TBCD: variants seen among roughly 807,000 people sequenced by gnomAD.
TBCD encodes tubulin-specific chaperone D.
In TBCD, 105 loss-of-function variants were observed where a neutral mutation model predicts 169.3. The observed-to-expected ratio is 0.62, with a 90% CI of 0.53 to 0.73. TBCD has a LOEUF of 0.73. Ranked by LOEUF, TBCD falls within the 30% of genes least tolerant of loss-of-function variation. The pLI, the probability that TBCD is intolerant of heterozygous loss-of-function variation, is 0.00. For missense variants in TBCD, 1,444 were observed against 1,600.1 expected (o/e 0.90, Z 1.66); for synonymous variants, 700 against 643.9 (o/e 1.09, Z -1.32).
intron 7 of TBCD, among the ~76,000 whole-genome samples, chr17:82,783,187 G>A (rs1008919726): frequency 3.9e-5 from 6 of 152,150 alleles, no homozygotes; most frequent in Admixed American, 1.3e-4. Flanking sequence ...GCTGCTTCCC[G>A]GTCATGCTGC....
At chr17:82,790,628 CT>C (rs1280955347) in intron 7 of TBCD, among the ~76,000 whole-genome samples, 4 of 152,152 alleles carry the variant, frequency 2.6e-5, no homozygotes, top group Non-Finnish European at 4.4e-5. Flanking sequence ...CGTGGGACCC[CT>C]GTGCACCCTG....
chr17:82,896,577 C>T (rs1158925515), intron 17 of TBCD, among the ~76,000 whole-genome samples: 1 of 151,682 alleles, frequency 6.6e-6, no homozygotes, highest in East Asian at 1.9e-4. Context: ...GCGATCCTCC[C>T]ACCTCAGCCT....
intron 13 of TBCD, among the ~76,000 whole-genome samples, chr17:82,841,986 G>T (rs1392324474): frequency 6.6e-6 from 1 of 152,256 alleles, no homozygotes; most frequent in Non-Finnish European, 1.5e-5. Flanking sequence ...AAGGCGGAAG[G>T]TTCCAGTCCT....
chr17:82,851,849 T>G (rs1353323629), intron 13 of TBCD, among the ~76,000 whole-genome samples: 1 of 152,182 alleles, frequency 6.6e-6, no homozygotes, highest in East Asian at 1.9e-4. Context: ...ATTTGGTAGC[T>G]TAGGCAAAAT....
chr17:82,801,540 CAG>C (rs1195986027), intron 9 of TBCD, among the ~76,000 whole-genome samples: 3 of 123,630 alleles, frequency 2.4e-5, no homozygotes, highest in African/African-American at 3.2e-5. Flanking sequence ...TCGTGTGGCT[CAG>C]GGTCAGCGTG....
chr17:82,830,378 G>A, intron 13 of TBCD: 1 of 1,612,850 alleles, frequency 6.2e-7, no homozygotes, highest in Non-Finnish European at 8.5e-7. Flanking sequence ...ATGTTCCTGG[G>A]GCTGTAGGCC....
rs1161413517 is a variant in TBCD, at chr17:82,814,838, A to G, written c.1224-2A>G. The stretch of plus-strand genomic sequence containing the variant: ...TGGTCTCAGGATCTTTGTTGCTCTC[A>G]GTTTCCAGGAGACTGACAAGGCGTG... On this transcript the variant is annotated splice_acceptor_variant, in intron 12 of 38. Transcript: ENST00000355528. LOFTEE classifies it high-confidence loss of function. 1 of 1,613,642 alleles carries G rather than the reference A, an allele frequency of 6.2e-7. No individual in the cohort carries two copies. Among genetic ancestry groups the G allele is most frequent in the Non-Finnish European group, 8.5e-7 (1 of 1,179,834 alleles).
intron 6 of TBCD, among the ~76,000 whole-genome samples, chr17:82,779,463 T>C (rs1400682176): frequency 6.6e-6 from 1 of 152,208 alleles, no homozygotes; most frequent in Non-Finnish European, 1.5e-5. Flanking sequence ...TCTTTCCCCA[T>C]TGTTCATGCT....
chr17:82,936,075 C>T (rs1052491452), intron 34 of TBCD, among the ~76,000 whole-genome samples: 8 of 152,238 alleles, frequency 5.3e-5, no homozygotes, highest in African/African-American at 9.6e-5. Context: ...TCCCTGGAAA[C>T]GGCCCGGGTT....
chr17:82,931,516 G>A (rs142865276), intron 33 of TBCD, among the ~76,000 whole-genome samples: 2 of 147,002 alleles, frequency 1.4e-5, no homozygotes, highest in South Asian at 2.1e-4. Context: ...CGCTCATTCC[G>A]CCTTGCCGTT....
intron 13 of TBCD, chr17:82,859,548 C>T: frequency 1.0e-6 from 1 of 985,432 alleles, no homozygotes; most frequent in Non-Finnish European, 1.2e-6. Context: ...GACACACAAG[C>T]TGTGACTTCA....
At chr17:82,774,611 C>A (rs538150749) in intron 6 of TBCD, among the ~76,000 whole-genome samples, 1 of 152,258 alleles carries the variant, frequency 6.6e-6, no homozygotes, top group Non-Finnish European at 1.5e-5. Flanking sequence ...CTCCTCACTT[C>A]CCAGACTTGG....
rs1344380880 is a variant in TBCD, at chr17:82,846,364, C to T, written c.1319-23860C>T. Among the ~76,000 whole-genome samples, 21 of 151,252 alleles carry T rather than the reference C, an allele frequency of 1.4e-4. 1 individual carries two copies. The highest frequency in any genetic ancestry group is 1.4e-3 in the Admixed American group (21 of 15,214). On this transcript the variant is annotated intron_variant, in intron 13 of 38. Transcript: ENST00000355528. The stretch of plus-strand genomic sequence containing the variant: ...AGCCCTCTGCTGCCCCCTCCATGCG[C>T]TGTGTCCCATGTGCCGTGTCCTCTC...
chr17:82,760,160 C>A (rs896465792), intron 2 of TBCD, among the ~76,000 whole-genome samples: 4 of 152,186 alleles, frequency 2.6e-5, no homozygotes, highest in Non-Finnish European at 5.9e-5. Context: ...AGGCGTGAGC[C>A]ACCACGCCTG....
chr17:82,943,099 T>G lies in TBCD; in HGVS notation c.*636T>G. 1 of 153,036 alleles carries G rather than the reference T, an allele frequency of 6.5e-6. No individual in the cohort carries two copies. Among genetic ancestry groups the G allele is most frequent in the Non-Finnish European group, 1.5e-5 (1 of 68,566 alleles). The allele number at this position is 153,036 out of a possible 1,614,324, so 9.5% of individuals were successfully genotyped here. A position where few individuals can be genotyped will look rare whatever the true frequency, so the allele number is the denominator to read the frequency against. On this transcript the variant is annotated 3_prime_UTR_variant, in exon 39 of 39. Coordinates refer to ENST00000355528, the MANE Select transcript of TBCD (RefSeq NM_005993.5). ...ATTGATGGGTGTGCCGACCAGCAGC[T>G]TCACAAATGTCTGCTGCAAGGGGAA... is the stretch of plus-strand genomic sequence containing the variant.
At chr17:82,788,641 C>T (rs2049480176) in intron 7 of TBCD, among the ~76,000 whole-genome samples, 1 of 152,302 alleles carries the variant, frequency 6.6e-6, no homozygotes, top group Middle Eastern at 3.4e-3. Context: ...AGCTCCCGCT[C>T]GGCCCTTGTG....
intron 13 of TBCD, among the ~76,000 whole-genome samples, chr17:82,838,037 C>T (rs886703278): frequency 2.0e-5 from 3 of 152,198 alleles, no homozygotes; most frequent in Non-Finnish European, 4.4e-5. Flanking sequence ...TGTGCTCAGC[C>T]GATGCACTTG....
intron 13 of TBCD, chr17:82,859,861 C>T (rs886542714): frequency 4.4e-5 from 43 of 985,300 alleles, no homozygotes; most frequent in Non-Finnish European, 5.1e-5. Flanking sequence ...GAAAGAAAAC[C>T]CTTGAGATAA....
intron 17 of TBCD, among the ~76,000 whole-genome samples, chr17:82,896,280 G>C (rs752926648): frequency 1.3e-5 from 2 of 152,124 alleles, no homozygotes; most frequent in Non-Finnish European, 2.9e-5. Flanking sequence ...TCCAGGGCCA[G>C]GGGTGTGGTA....
Sources: gnomAD v4.1 joint callset for allele counts (sites outside exome capture counted in the v4.1 genomes callset) on GRCh38, gnomAD v4.1.1 for gene constraint, MANE v1.5 for transcripts, NCBI Gene and HGNC (gene_info 2026-07-23, HGNC 2026-07-21) for gene names.